Variants in GNG4 observed in about 807,000 individuals in gnomAD.
GNG4 encodes the protein G protein subunit gamma 4, also known as guanine nucleotide-binding protein G(I)/G(S)/G(O) subunit gamma-4.
In GNG4, 4 loss-of-function variants were observed where a neutral mutation model predicts 5.8. The observed-to-expected ratio is 0.69, with a 90% CI of 0.34 to 1.57. The LOEUF is 1.57. Among genes scored for constraint, GNG4 ranks in the 40% most tolerant of loss-of-function variants. The pLI, the probability that GNG4 is intolerant of heterozygous loss-of-function variation, is 0.06. For missense variants in GNG4, 96 were observed against 95.1 expected, an observed-to-expected ratio of 1.01 and a Z score of -0.04; for synonymous variants, 29 against 32.9, an observed-to-expected ratio of 0.88 and a Z score of 0.41.
chr1:235,614,088 C>T (rs1389322281), intron 1 of GNG4, among the ~76,000 whole-genome samples: 2 of 152,256 alleles, frequency 1.3e-5, no homozygotes, highest in African/African-American at 4.8e-5. Flanking sequence ...GTTGGAATTA[C>T]AGGCGTGAGC....
chr1:235,581,060 C>T (rs534190275), intron 3 of GNG4, among the ~76,000 whole-genome samples: 1 of 152,196 alleles, frequency 6.6e-6, no homozygotes, highest in East Asian at 1.9e-4. Flanking sequence ...CCTGCCTATC[C>T]CTTTGATTGA....
chr1:235,628,432 G>T (rs1209266223), intron 1 of GNG4, among the ~76,000 whole-genome samples: 1 of 151,726 alleles, frequency 6.6e-6, no homozygotes, highest in Non-Finnish European at 1.5e-5. Flanking sequence ...GGGGTTACAA[G>T]ACCCTAGAAC....
chr1:235,606,972 A>T (rs2102966022), intron 1 of GNG4, among the ~76,000 whole-genome samples: 1 of 133,334 alleles, frequency 7.5e-6, no homozygotes, highest in Admixed American at 7.8e-5. Context: ...TTTGAGACAG[A>T]GTCTCACCCA....
chr1:235,633,469 TC>T (rs1688973746), intron 1 of GNG4, among the ~76,000 whole-genome samples: 1 of 152,152 alleles, frequency 6.6e-6, no homozygotes, highest in East Asian at 1.9e-4. Context: ...TATTTCTCTT[TC>T]CACTTTATTT....
At chr1:235,638,840 C>A (rs1172697729) in intron 1 of GNG4, among the ~76,000 whole-genome samples, 2 of 151,066 alleles carry the variant, frequency 1.3e-5, no homozygotes, top group African/African-American at 2.4e-5. Context: ...TGAACTCATT[C>A]TTTTTTATGG....
rs548639480 is a variant in GNG4, at chr1:235,572,657, GC to G, written c.99+11082del. 6.1e-4 allele frequency among the ~76,000 whole-genome samples: 93 copies of G among 151,694 alleles called. 1 individual carries two copies. The South Asian group carries it at 0.015, about 25-fold the overall frequency. On this transcript the variant is annotated intron_variant, in intron 3 of 3. Coordinates refer to ENST00000391854, the MANE Select transcript of GNG4 (RefSeq NM_001098722.2). ...GCTGGGACTACAGGTGCGCCACCAT[GC>G]CCAGCTAATTTTTGTACGTTTAGTA...
chr1:235,616,022 T>C, intron 1 of GNG4: 1 of 343,896 alleles, frequency 2.9e-6, no homozygotes. Context: ...TCACCGTCTG[T>C]GTGGTCCAAG....
At chr1:235,580,432 TACC>T (rs936621710) in intron 3 of GNG4, among the ~76,000 whole-genome samples, 2 of 152,208 alleles carry the variant, frequency 1.3e-5, no homozygotes, top group African/African-American at 4.8e-5. Context: ...ATATATATTT[TACC>T]ACAACTAAAA....
chr1:235,582,717 G>A (rs998203500), intron 3 of GNG4, among the ~76,000 whole-genome samples: 6 of 152,208 alleles, frequency 3.9e-5, no homozygotes, highest in Non-Finnish European at 8.8e-5. Flanking sequence ...GTTGGTATCG[G>A]TATGTATGAG....
At chr1:235,554,402 C>T (rs1397052506) in intron 3 of GNG4, among the ~76,000 whole-genome samples, 1 of 152,248 alleles carries the variant, frequency 6.6e-6, no homozygotes, top group East Asian at 1.9e-4. Flanking sequence ...CTGGCAACCC[C>T]TGGGCAGTGG....
intron 1 of GNG4, chr1:235,616,453 C>A: frequency 4.0e-6 from 1 of 248,080 alleles, no homozygotes; most frequent in East Asian, 1.3e-4. Flanking sequence ...TGCCCGATCC[C>A]TGGCCTGAGG....
Position 235,640,944 on chromosome 1 carries a change from C to T in GNG4, c.-123+8718G>A, listed in dbSNP as rs79537076. Among the ~76,000 whole-genome samples, 510 of 152,342 alleles carry T rather than the reference C, an allele frequency of 3.3e-3. 3 individuals carry two copies. The highest frequency in any genetic ancestry group is 9.5e-3 in the African/African-American group (396 of 41,576). The stretch of plus-strand genomic sequence containing the variant: ...TGGAGTGAGAAGGGGCTGCTTCTTG[C>T]GTGTCATTTTGCAAAAAGAATCTCT... On this transcript the variant is annotated intron_variant, in intron 1 of 3. Transcript: ENST00000391854.
chr1:235,607,755 C>T (rs1688392628), intron 1 of GNG4, among the ~76,000 whole-genome samples: 2 of 152,076 alleles, frequency 1.3e-5, no homozygotes, highest in African/African-American at 4.8e-5. Flanking sequence ...CAGAGCAAAG[C>T]CACAAGAGCA....
intron 1 of GNG4, among the ~76,000 whole-genome samples, chr1:235,598,811 C>T (rs1349884918): frequency 6.6e-6 from 1 of 150,512 alleles, no homozygotes; most frequent in Admixed American, 6.6e-5. Context: ...CTGCAACCTC[C>T]GACTCCTAGG....
At chr1:235,564,448 C>A (rs1236389941) in intron 3 of GNG4, among the ~76,000 whole-genome samples, 1 of 152,128 alleles carries the variant, frequency 6.6e-6, no homozygotes, top group Non-Finnish European at 1.5e-5. Flanking sequence ...TGAAACTAAC[C>A]AACTAACTAA....
intron 3 of GNG4, among the ~76,000 whole-genome samples, chr1:235,578,719 A>G (rs1031086488): frequency 6.6e-6 from 1 of 152,214 alleles, no homozygotes; most frequent in Non-Finnish European, 1.5e-5. Flanking sequence ...AGTGTAAAAA[A>G]GTCAAATTTA....
At chr1:235,560,594 T>C (rs1258520807) in intron 3 of GNG4, among the ~76,000 whole-genome samples, 1 of 152,256 alleles carries the variant, frequency 6.6e-6, no homozygotes, top group African/African-American at 2.4e-5. Context: ...ATTATTCATT[T>C]GGCTACTTTC....
At chr1:235,633,841 A>G (rs1485915898) in intron 1 of GNG4, among the ~76,000 whole-genome samples, 1 of 152,166 alleles carries the variant, frequency 6.6e-6, no homozygotes, top group Non-Finnish European at 1.5e-5. Flanking sequence ...AAGCAGCTGG[A>G]TGGGAGAAGT....
chr1:235,553,949 C>T (rs1242742544), intron 3 of GNG4, among the ~76,000 whole-genome samples: 1 of 152,116 alleles, frequency 6.6e-6, no homozygotes, highest in Non-Finnish European at 1.5e-5. Flanking sequence ...TATTTAAGAT[C>T]CTAAAAACGT....
Sources: allele counts gnomAD v4.1 joint callset (sites outside exome capture counted in the v4.1 genomes callset), GRCh38; gene constraint gnomAD v4.1.1; transcripts MANE v1.5; gene names NCBI Gene and HGNC (gene_info 2026-07-23, HGNC 2026-07-21).